Variants in UBA6 observed in about 807,000 individuals in gnomAD.
UBA6 encodes ubiquitin like modifier activating enzyme 6.
Under a neutral mutation model 148.3 loss-of-function variants are expected in UBA6, and 87 were observed. The ratio of observed to expected loss-of-function variants is 0.59; its 90% CI spans 0.49 to 0.70. The LOEUF is 0.70. UBA6 is among the 30% of genes least tolerant of loss of function. The pLI is 0.00. For missense variants in UBA6, 1,186 were observed against 1,241.2 expected, an observed-to-expected ratio of 0.96 and a Z score of 0.67; for synonymous variants, 376 against 401.0, an observed-to-expected ratio of 0.94 and a Z score of 0.75.
chr4:67,684,088 A>C (rs902084927), intron 2 of UBA6, among the ~76,000 whole-genome samples: 1 of 152,152 alleles, frequency 6.6e-6, no homozygotes, highest in Non-Finnish European at 1.5e-5. Flanking sequence ...AAACAAAACA[A>C]AACAACCCCC....
intron 7 of UBA6, 151 bp downstream of exon 7, chr4:67,673,546 C>T: frequency 2.7e-6 from 1 of 376,198 alleles, no homozygotes; most frequent in East Asian, 4.3e-5. Context: ...GTTTTAAAAA[C>T]AGGAAATGAA....
At chr4:67,653,628 C>A (rs901715205) in intron 13 of UBA6, among the ~76,000 whole-genome samples, 1 of 152,198 alleles carries the variant, frequency 6.6e-6, no homozygotes, top group East Asian at 1.9e-4. Flanking sequence ...TGCCTCTTCT[C>A]CTCCAAAGGA....
Position 67,665,183 on chromosome 4 carries a change from A to T in UBA6, c.897+6T>A. 1.3e-6 allele frequency: 2 copies of T among 1,529,692 alleles called. No homozygotes were observed. The highest frequency in any genetic ancestry group is 1.8e-6 in the Non-Finnish European group (2 of 1,137,886). 94.8% of individuals were successfully genotyped at this position (1,529,692 alleles called of 1,614,324 possible). A position where few individuals can be genotyped will look rare whatever the true frequency, so the allele number is the denominator to read the frequency against. ...ATGTTTTTTAAGCCGAAAAAAAAAT[A>T]CTTACAAAAAAAACTGTTTTAGGAG... is the stretch of plus-strand genomic sequence containing the variant. On this transcript the variant is annotated splice_donor_region_variant and intron_variant, in intron 10 of 32. Coordinates refer to ENST00000322244, the MANE Select transcript of UBA6 (RefSeq NM_018227.6).
In UBA6 at chr4:67,617,123, T is replaced by G. The variant is rs1373589983; in HGVS notation, c.*1874A>C. On this transcript the variant is annotated 3_prime_UTR_variant, in exon 33 of 33. Coordinates refer to ENST00000322244, the MANE Select transcript of UBA6 (RefSeq NM_018227.6). ...AACACTAATATCTATAAATATGAAC[T>G]GACAGCATCGTTCTAAATTTACTTC... 1.3e-5 allele frequency: 2 copies of G among 152,120 alleles called. No homozygotes were observed. Among genetic ancestry groups the G allele is most frequent in the Non-Finnish European group, 2.9e-5 (2 of 67,944 alleles). The allele number at this position is 152,120 out of a possible 1,614,324, so 9.4% of individuals were successfully genotyped here.
chr4:67,658,583 G>A (rs1277158981), intron 13 of UBA6, among the ~76,000 whole-genome samples: 1 of 152,020 alleles, frequency 6.6e-6, no homozygotes, highest in Non-Finnish European at 1.5e-5. Context: ...TGACTAACAG[G>A]TACTAGGCTT....
intron 29 of UBA6, 91 bp from the exon 30 acceptor site, chr4:67,624,344 T>C (rs1728818784): frequency 8.0e-7 from 1 of 1,255,074 alleles, no homozygotes; most frequent in African/African-American, 1.5e-5. Context: ...TTTTCAAGCA[T>C]TTCTCTGTGG....
intron 6 of UBA6, 59 bp downstream of exon 6, chr4:67,677,552 A>ATG: frequency 8.3e-6 from 7 of 840,792 alleles, no homozygotes; most frequent in Non-Finnish European, 1.1e-5. Flanking sequence ...ACATATTAAT[A>ATG]TTTAACAATT....
chr4:67,664,070 T>A, intron 10 of UBA6, 123 bp from the exon 11 acceptor site: 5 of 655,320 alleles, frequency 7.6e-6, no homozygotes, highest in Non-Finnish European at 1.3e-5. Flanking sequence ...TAAAGTAGGG[T>A]TGGGCTGGTA....
At chr4:67,662,383 ATGT>A in intron 12 of UBA6, 128 bp from the exon 13 acceptor site, 1 of 658,816 alleles carries the variant, frequency 1.5e-6, no homozygotes, top group Non-Finnish European at 2.6e-6. Flanking sequence ...GTAGCACAAA[ATGT>A]TGTACTGATT....
intron 23 of UBA6, 82 bp from the exon 24 acceptor site, chr4:67,631,990 TGTA>T: frequency 7.7e-7 from 1 of 1,302,798 alleles, no homozygotes; most frequent in Non-Finnish European, 1.1e-6. Flanking sequence ...AAAAAATGTG[TGTA>T]GTAAATATAT....
Position 67,645,979 on chromosome 4 carries a change from C to G in UBA6, c.1354G>C (p.Asp452His). ...RYDALRACIGDTLCQKLQNLN... is the reference protein window; with the variant it reads ...RYDALRACIGHTLCQKLQNLN... ...TTTTGCAGTTTCTGACACAAAGTGT[C>G]TCCAATGCAAGCTCTTAAGGCATCA... Residue 452 changes from aspartate to histidine, a missense_variant, in exon 16 of 33, where the codon GAC (aspartate) becomes CAC (histidine). Transcript: ENST00000322244. 6.3e-7 allele frequency: 1 copy of G among 1,598,274 alleles called. No individual in the cohort carries two copies. The highest frequency in any genetic ancestry group is 8.5e-7 in the Non-Finnish European group (1 of 1,171,234).
At chr4:67,687,628 A>T (rs1730603668) in intron 2 of UBA6, among the ~76,000 whole-genome samples, 1 of 152,234 alleles carries the variant, frequency 6.6e-6, no homozygotes, top group Non-Finnish European at 1.5e-5. Flanking sequence ...TATCACTAAC[A>T]TAAAGAGATA....
intron 17 of UBA6, among the ~76,000 whole-genome samples, chr4:67,641,694 C>A (rs1729311655): frequency 6.7e-6 from 1 of 150,038 alleles, no homozygotes; most frequent in Non-Finnish European, 1.5e-5. Context: ...ATTAGGCATG[C>A]TGCCTATTTT....
At chr4:67,661,902 G>T (rs2109932184) in intron 13 of UBA6, 4 of 415,682 alleles carry the variant, frequency 9.6e-6, no homozygotes, top group Non-Finnish European at 1.3e-5. Flanking sequence ...GAATAATAAA[G>T]AATAATAGTA....
At chr4:67,631,827 T>C (rs1729004405) in intron 24 of UBA6, 30 bp downstream of exon 24, 1 of 1,609,444 alleles carries the variant, frequency 6.2e-7, no homozygotes, top group Admixed American at 1.7e-5. Flanking sequence ...ATAAATGTCA[T>C]TAAAATTTAT....
intron 12 of UBA6, chr4:67,662,470 TTTG>T: frequency 2.3e-5 from 10 of 440,188 alleles, no homozygotes; most frequent in South Asian, 6.0e-5. Flanking sequence ...TTTAGTTTTT[TTTG>T]TTTTTTTTTT....
At chr4:67,693,806 T>A (rs1310692892) in intron 2 of UBA6, among the ~76,000 whole-genome samples, 1 of 152,144 alleles carries the variant, frequency 6.6e-6, no homozygotes, top group Non-Finnish European at 1.5e-5. Context: ...TCTATCTCCC[T>A]GAGATATTAA....
intron 6 of UBA6, 91 bp downstream of exon 6, chr4:67,677,520 T>C: frequency 3.4e-6 from 2 of 583,832 alleles, no homozygotes; most frequent in Admixed American, 6.5e-5. Flanking sequence ...TGTTTCTCAA[T>C]ACACTAGGTT....
chr4:67,686,576 CAGAT>C (rs1180840774), intron 2 of UBA6, among the ~76,000 whole-genome samples: 1 of 151,926 alleles, frequency 6.6e-6, no homozygotes, highest in African/African-American at 2.4e-5. Context: ...CTGGGAGAGA[CAGAT>C]AGACAAAAGA....
Sources: gnomAD v4.1 joint callset for allele counts (sites outside exome capture counted in the v4.1 genomes callset) on GRCh38, gnomAD v4.1.1 for gene constraint, MANE v1.5 for transcripts, NCBI Gene and HGNC (gene_info 2026-07-23, HGNC 2026-07-21) for gene names.